ATXN3: variants seen among roughly 807,000 people sequenced by gnomAD.
ATXN3 encodes ataxin-3.
A neutral mutation model predicts 58.2 loss-of-function variants in ATXN3; 28 were observed. That is an observed-to-expected ratio of 0.48 (90% CI 0.36 to 0.66). The LOEUF is 0.66. ATXN3 is among the 30% of genes least tolerant of loss of function. ATXN3 has a pLI of 0.00. For synonymous variants in ATXN3, 113 were observed against 138.5 expected (o/e 0.82, Z 1.29); for missense variants, 321 against 422.1 (o/e 0.76, Z 2.10).
At chr14:92,088,893 AC>A in intron 5 of ATXN3, 76 bp from the exon 6 acceptor site, 2 of 798,796 alleles carry the variant, frequency 2.5e-6, no homozygotes, top group Non-Finnish European at 4.3e-6. Context: ...AAGAATAGAT[AC>A]AACCCATCAA....
chr14:92,093,747 T>C lies in ATXN3; in HGVS notation c.319A>G (p.Ile107Val), dbSNP rs781706817. ...PEYQRLRIDP[I>V]NERSFICNYK... ...ATGAAATGCAAAACAGAATCTTACA[T>C]AGGATCGATCCTGAGCCTCTGATAC... The change falls in exon 4 of 11, where the codon ATA (isoleucine) becomes GTA (valine). Residue 107 changes from isoleucine to valine, a missense_variant and splice_region_variant. Transcript: ENST00000644486. The C allele has an allele frequency of 4.7e-5, 75 of 1,590,322 alleles. No individual in the cohort carries two copies. Among genetic ancestry groups the C allele is most frequent in the Admixed American group, 7.2e-5 (4 of 55,942 alleles).
downstream of ATXN3, among the ~76,000 whole-genome samples, chr14:92,055,433 G>A (rs1391020777): frequency 5.3e-5 from 8 of 152,112 alleles, no homozygotes; most frequent in African/African-American, 1.9e-4. This position sits in a 1 kb window ranked among gnomAD's most constrained non-coding sequence, Gnocchi z 4.5. Flanking sequence ...ACGTTGTTGT[G>A]CAGCCATTAC....
chr14:92,080,545 AT>A, intron 9 of ATXN3: 1 of 181,028 alleles, frequency 5.5e-6, no homozygotes, highest in Non-Finnish European at 1.2e-5. Flanking sequence ...ATATACATAT[AT>A]TTTTGGAGAC....
chr14:92,102,218 AAAAG>A (rs1314294412), intron 1 of ATXN3, among the ~76,000 whole-genome samples: 9 of 151,470 alleles, frequency 5.9e-5, no homozygotes, highest in African/African-American at 2.2e-4. Context: ...AGAAAGAAAG[AAAAG>A]AAAGAAGGAA....
intron 9 of ATXN3, among the ~76,000 whole-genome samples, chr14:92,075,155 A>AGT: frequency 8.5e-6 from 1 of 117,584 alleles, no homozygotes; most frequent in Non-Finnish European, 1.7e-5. Flanking sequence ...TGTAATAGGG[A>AGT]GTTTTTTTTT....
Position 92,070,765 on chromosome 14 carries a change from TG to T in ATXN3, c.991+169del. The T allele has an allele frequency of 6.8e-5, 91 of 1,339,102 alleles. 11 individuals carry two copies. Among genetic ancestry groups the T allele is most frequent in the South Asian group, 3.1e-4 (18 of 58,208 alleles). The allele number at this position is 1,339,102 out of a possible 1,614,324, so 83.0% of individuals were successfully genotyped here. On this transcript the variant is annotated intron_variant, in intron 10 of 10. Coordinates refer to ENST00000644486, the MANE Select transcript of ATXN3 (RefSeq NM_004993.6). ...CTAGCTTTTTTTTTTTTTTTTCTTT[TG>T]GTAACTGCTCCTTAATCCAGGGAAA...
chr14:92,075,968 G>A (rs1464561986), intron 9 of ATXN3, among the ~76,000 whole-genome samples: 2 of 152,174 alleles, frequency 1.3e-5, no homozygotes, highest in African/African-American at 2.4e-5. Flanking sequence ...AACCATCACT[G>A]CACACTTTCC....
chr14:92,088,557 T>A (rs1348149026), intron 6 of ATXN3, among the ~76,000 whole-genome samples, 173 bp downstream of exon 6: 1 of 152,192 alleles, frequency 6.6e-6, no homozygotes, highest in Non-Finnish European at 1.5e-5. Flanking sequence ...CAGGTGTCAG[T>A]GAGAACTCTA....
intron 6 of ATXN3, among the ~76,000 whole-genome samples, chr14:92,083,722 CTTGAT>C (rs1265746614): frequency 1.3e-5 from 2 of 152,124 alleles, no homozygotes; most frequent in African/African-American, 4.8e-5. Context: ...ATATTATCAA[CTTGAT>C]TGGATTGAAG....
chr14:92,082,581 C>A, intron 7 of ATXN3, 115 bp from the exon 8 acceptor site: 13 of 960,314 alleles, frequency 1.4e-5, no homozygotes, highest in South Asian at 4.6e-5. Flanking sequence ...TGTTTTCTGG[C>A]AAATAAGCTC....
At chr14:92,052,233 G>C (rs909642878), upstream of ATXN3, among the ~76,000 whole-genome samples, 1 of 152,004 alleles carries the variant, frequency 6.6e-6, no homozygotes. Context: ...GGTGGTTCAC[G>C]CCTGTAATCC....
chr14:92,103,921 C>T (rs1401821883), intron 1 of ATXN3, among the ~76,000 whole-genome samples: 2 of 152,068 alleles, frequency 1.3e-5, no homozygotes, highest in Non-Finnish European at 1.5e-5. Flanking sequence ...AGGCAGTGAA[C>T]GGAAAAATGG....
At chr14:92,077,177 A>G (rs1000967846) in intron 9 of ATXN3, among the ~76,000 whole-genome samples, 3 of 152,166 alleles carry the variant, frequency 2.0e-5, no homozygotes, top group Admixed American at 6.6e-5. Flanking sequence ...AAAGGCTCAC[A>G]TATAAATTAT....
intron 5 of ATXN3, 134 bp from the exon 6 acceptor site, chr14:92,088,951 C>G (rs1566960459): frequency 3.2e-6 from 2 of 619,498 alleles, no homozygotes; most frequent in Non-Finnish European, 2.9e-6. Context: ...AAGTTGAGCT[C>G]TTTTCTTTGA....
At chr14:92,048,734 G>C (rs1283537422) in intron 1 of ATXN3, among the ~76,000 whole-genome samples, 1 of 152,088 alleles carries the variant, frequency 6.6e-6, no homozygotes, top group Non-Finnish European at 1.5e-5. Context: ...GTGATAAAAG[G>C]ATTATAGGGT....
At chr14:92,046,820 G>T (rs1240911137) in intron 2 of ATXN3, among the ~76,000 whole-genome samples, 3 of 152,222 alleles carry the variant, frequency 2.0e-5, no homozygotes, top group Non-Finnish European at 4.4e-5. Context: ...GACATGATCA[G>T]CAGGGAGAGC....
At chr14:92,093,168 T>G in intron 5 of ATXN3, 84 bp downstream of exon 5, 31 of 897,806 alleles carry the variant, frequency 3.5e-5, no homozygotes, top group Non-Finnish European at 5.0e-5. Context: ...ACTGTTGGCA[T>G]GAGCCACCAC....
Position 92,058,682 on chromosome 14 carries a change from A to G in ATXN3, c.*5638T>C, listed in dbSNP as rs902938435. 1 of 152,240 alleles carries G rather than the reference A, an allele frequency of 6.6e-6. No homozygotes were observed. The highest frequency in any genetic ancestry group is 2.4e-5 in the African/African-American group (1 of 41,472). 9.4% of individuals were successfully genotyped at this position (152,240 alleles called of 1,614,324 possible). On this transcript the variant is annotated 3_prime_UTR_variant, in exon 11 of 11. Transcript: ENST00000644486. ...AGCCCGGCTTTTCTAACGACCAGAC[A>G]GGAAGGCCTGTGTGTGTAATAACAG...
At chr14:92,053,093 A>C (rs1376001947), upstream of ATXN3, among the ~76,000 whole-genome samples, 4 of 152,122 alleles carry the variant, frequency 2.6e-5, no homozygotes, top group Non-Finnish European at 5.9e-5. Context: ...CTCTACTAAA[A>C]ATACAAAAAA....
Sources: gnomAD v4.1 joint callset for allele counts (sites outside exome capture counted in the v4.1 genomes callset) on GRCh38, gnomAD v4.1.1 for gene constraint, Gnocchi (gnomAD v3.1) non-coding constraint, MANE v1.5 for transcripts, NCBI Gene and HGNC (gene_info 2026-07-23, HGNC 2026-07-21) for gene names.